VTI1A: variants seen among roughly 807,000 people sequenced by gnomAD.
VTI1A encodes the protein vesicle transport through interaction with t-SNAREs homolog 1A.
VTI1A carries 22 observed loss-of-function variants against 34.9 expected under a neutral mutation model. That is an observed-to-expected ratio of 0.63 (90% CI 0.45 to 0.90). VTI1A has a LOEUF of 0.90. Ranked by LOEUF, VTI1A falls within the 40% of genes least tolerant of loss-of-function variation. The pLI is 0.00. For synonymous variants in VTI1A, 87 were observed against 97.3 expected (o/e 0.89, Z 0.62); for missense variants, 268 against 275.6 (o/e 0.97, Z 0.20).
At chr10:112,709,402 TGCTGGCCCTC>T (rs1376932513) in intron 7 of VTI1A, among the ~76,000 whole-genome samples, 6 of 152,248 alleles carry the variant, frequency 3.9e-5, no homozygotes, top group African/African-American at 1.4e-4. Flanking sequence ...CCTAGGCCTC[TGCTGGCCCTC>T]AGCCTTCTCT....
intron 7 of VTI1A, among the ~76,000 whole-genome samples, chr10:112,766,828 A>G (rs530712188): frequency 2.6e-5 from 4 of 152,364 alleles, no homozygotes; most frequent in East Asian, 1.9e-4. Flanking sequence ...CAAGTACTTT[A>G]AGAAGTTGTG....
intron 3 of VTI1A, among the ~76,000 whole-genome samples, chr10:112,503,363 A>G (rs1488828090): frequency 2.6e-5 from 4 of 152,132 alleles, no homozygotes; most frequent in Non-Finnish European, 5.9e-5. Flanking sequence ...AACATGTGAT[A>G]TTTGCCTTCG....
At chr10:112,844,682 A>G in the VTI1A span, among the ~76,000 whole-genome samples, 1 of 152,230 alleles carries the variant, frequency 6.6e-6, no homozygotes, top group African/African-American at 2.4e-5. Flanking sequence ...TACAGGCGTG[A>G]GCCACCACGC....
At chr10:112,624,344 T>A (rs1219008823) in intron 5 of VTI1A, among the ~76,000 whole-genome samples, 1 of 152,180 alleles carries the variant, frequency 6.6e-6, no homozygotes, top group Non-Finnish European at 1.5e-5. Flanking sequence ...GTTCTCAAGA[T>A]GTTATTTTGA....
intron 7 of VTI1A, among the ~76,000 whole-genome samples, chr10:112,814,461 T>C (rs944158190): frequency 2.0e-5 from 3 of 152,152 alleles, no homozygotes; most frequent in Non-Finnish European, 4.4e-5. Flanking sequence ...GTTCGACCTC[T>C]TTTCTCCGAA....
intron 5 of VTI1A, among the ~76,000 whole-genome samples, chr10:112,592,659 C>T (rs554160869): frequency 2.0e-5 from 3 of 152,122 alleles, no homozygotes; most frequent in Non-Finnish European, 4.4e-5. Flanking sequence ...CAGTAGGTGC[C>T]CAATTCTATA....
At chr10:112,517,963 T>G (rs1471826148) in intron 3 of VTI1A, among the ~76,000 whole-genome samples, 1 of 152,062 alleles carries the variant, frequency 6.6e-6, no homozygotes, top group Non-Finnish European at 1.5e-5. Context: ...TAATGAATAA[T>G]TTATTAATTG....
intron 5 of VTI1A, among the ~76,000 whole-genome samples, chr10:112,653,448 G>A (rs1160342631): frequency 6.6e-6 from 1 of 152,204 alleles, no homozygotes; most frequent in African/African-American, 2.4e-5. Context: ...GGCCACCTGT[G>A]TGCTGGGGAA....
the VTI1A span, among the ~76,000 whole-genome samples, chr10:112,849,368 G>T: frequency 1.3e-5 from 2 of 152,180 alleles, no homozygotes; most frequent in Non-Finnish European, 2.9e-5. Context: ...CCTGAGGTAA[G>T]GTTACAAGTC....
chr10:112,712,725 A>G (rs1407365017), intron 7 of VTI1A, among the ~76,000 whole-genome samples: 2 of 152,128 alleles, frequency 1.3e-5, no homozygotes, highest in Non-Finnish European at 2.9e-5. Flanking sequence ...TTCACTTTCC[A>G]CTGCTGCATT....
chr10:112,599,481 A>T (rs975950986), intron 5 of VTI1A, among the ~76,000 whole-genome samples: 1 of 152,212 alleles, frequency 6.6e-6, no homozygotes, highest in African/African-American at 2.4e-5. Flanking sequence ...TCCATGGTGG[A>T]TGCCAAACGA....
chr10:112,529,510 T>C (rs535796328), intron 4 of VTI1A, among the ~76,000 whole-genome samples: 1 of 152,282 alleles, frequency 6.6e-6, no homozygotes, highest in African/African-American at 2.4e-5. Context: ...CTAATCTTTG[T>C]AGCTCAGTAG....
At chr10:112,631,926 G>A (rs1846144688) in intron 5 of VTI1A, among the ~76,000 whole-genome samples, 1 of 152,098 alleles carries the variant, frequency 6.6e-6, no homozygotes, top group Admixed American at 6.5e-5. Flanking sequence ...ACATCTTATA[G>A]AACATAATCC....
downstream of VTI1A, among the ~76,000 whole-genome samples, chr10:112,819,401 G>GT (rs1853609214): frequency 1.3e-5 from 2 of 152,112 alleles, no homozygotes; most frequent in African/African-American, 2.4e-5. Flanking sequence ...AGGAACCACC[G>GT]TGAGTCCCTG....
At chr10:112,454,220 T>C (rs1847347247) in intron 1 of VTI1A, among the ~76,000 whole-genome samples, 1 of 152,268 alleles carries the variant, frequency 6.6e-6, no homozygotes, top group Non-Finnish European at 1.5e-5. Flanking sequence ...TACAAGTAAC[T>C]GAATTCAAGT....
chr10:112,677,540 G>C (rs1014376023), intron 7 of VTI1A: 4 of 152,218 alleles, frequency 2.6e-5, no homozygotes, highest in African/African-American at 9.7e-5. Context: ...AAATTAAGAA[G>C]GGAAGAAACA....
chr10:112,732,819 T>A (rs11196080), intron 7 of VTI1A, among the ~76,000 whole-genome samples: 17,507 of 152,238 alleles, frequency 0.11, 1,479 homozygotes, highest in East Asian at 0.27. Context: ...ACCCACATGC[T>A]TCTCTCTGGA....
chr10:112,817,058 C>T lies in VTI1A; in HGVS notation c.*1675C>T, dbSNP rs777243832. The T allele has an allele frequency of 2.6e-5, 6 of 232,336 alleles. No homozygotes were observed. Among genetic ancestry groups the T allele is most frequent in the South Asian group, 1.8e-4 (1 of 5,518 alleles). 14.4% of individuals were successfully genotyped at this position (232,336 alleles called of 1,614,324 possible). A position where few individuals can be genotyped will look rare whatever the true frequency, so the allele number is the denominator to read the frequency against. On this transcript the variant is annotated 3_prime_UTR_variant, in exon 8 of 8. Coordinates refer to ENST00000393077, the MANE Select transcript of VTI1A (RefSeq NM_145206.4). ...AATTTTCCTGTCAGCTTAAGGGATCCGTCTCAGCAAGAATCTTGTATTCTG... is the reference window on the plus strand; with the variant it reads ...AATTTTCCTGTCAGCTTAAGGGATCTGTCTCAGCAAGAATCTTGTATTCTG...
intron 5 of VTI1A, among the ~76,000 whole-genome samples, chr10:112,612,914 A>G (rs35901205): frequency 0.03 from 3,633 of 122,928 alleles, 60 homozygotes; most frequent in Non-Finnish European, 0.043. Flanking sequence ...TCACTTCTCA[A>G]TGTTTGCCAT....
Sources: allele counts gnomAD v4.1 joint callset (sites outside exome capture counted in the v4.1 genomes callset), GRCh38; gene constraint gnomAD v4.1.1; transcripts MANE v1.5; gene names NCBI Gene and HGNC (gene_info 2026-07-23, HGNC 2026-07-21).